RYR3: variants seen among roughly 807,000 people sequenced by gnomAD.
RYR3 encodes the protein brain ryanodine receptor-calcium release channel.
Under a neutral mutation model 584.3 loss-of-function variants are expected in RYR3, and 207 were observed. That is an observed-to-expected ratio of 0.35 (90% CI 0.32 to 0.40). The LOEUF is 0.40. Among genes scored for constraint, RYR3 ranks in the 10% least tolerant of loss-of-function variants. RYR3 has a pLI of 1.00. For missense variants in RYR3, 5,616 were observed against 6,089.2 expected, an observed-to-expected ratio of 0.92 and a Z score of 2.59; for synonymous variants, 2,416 against 2,248.5, an observed-to-expected ratio of 1.07 and a Z score of -2.11.
intron 1 of RYR3, among the ~76,000 whole-genome samples, chr15:33,411,826 G>A (rs1302429457): frequency 6.6e-6 from 1 of 152,094 alleles, no homozygotes; most frequent in Non-Finnish European, 1.5e-5. Flanking sequence ...CCACACTGAT[G>A]GCCATGCCTC....
Position 33,699,767 on chromosome 15 carries a change from C to T in RYR3, c.6313C>T (p.Arg2105Trp), listed in dbSNP as rs371004354. Residue 2105 changes from arginine to tryptophan, a missense_variant, in exon 41 of 104, where the codon CGG becomes TGG. Around this residue, in one of 9 missense-constraint regions of RYR3, gnomAD observed 1,280 missense variants for 1,426.2 expected, o/e 0.90. Transcript: ENST00000634891. ...CCTTTGCTATTTCTGTCGAATTAGC[C>T]GGCAAAATCAGAAGGCCATGTTTGA... ...RFLCYFCRISRQNQKAMFEHL... is the reference protein window; with the variant it reads ...RFLCYFCRISWQNQKAMFEHL... 9 of 1,613,726 alleles carry T rather than the reference C, an allele frequency of 5.6e-6. No individual in the cohort carries two copies. The highest frequency in any genetic ancestry group is 2.2e-5 in the East Asian group (1 of 44,860).
chr15:33,598,680 A>G (rs545373849), intron 16 of RYR3, among the ~76,000 whole-genome samples: 6 of 151,996 alleles, frequency 3.9e-5, no homozygotes, highest in Admixed American at 2.0e-4. Context: ...CTCAAACTCC[A>G]TAAAGGAGTT....
At chr15:33,653,671 A>AG (rs200461748) in intron 32 of RYR3, among the ~76,000 whole-genome samples, 2 of 52,096 alleles carry the variant, frequency 3.8e-5, no homozygotes, top group Non-Finnish European at 1.0e-4. Context: ...CTCCATCTCA[A>AG]AAAAAAAAAA....
intron 1 of RYR3, among the ~76,000 whole-genome samples, chr15:33,343,489 TCCCATCCC>T (rs1972073625): frequency 6.6e-6 from 1 of 152,140 alleles, no homozygotes; most frequent in African/African-American, 2.4e-5. Context: ...TTATGCCTCC[TCCCATCCC>T]CCGCAGTTTG....
chr15:33,632,693 G>A (rs1372215184), intron 23 of RYR3, among the ~76,000 whole-genome samples: 1 of 152,194 alleles, frequency 6.6e-6, no homozygotes, highest in African/African-American at 2.4e-5. Context: ...TAGAAATAAA[G>A]ATGGTTTGTA....
intron 1 of RYR3, among the ~76,000 whole-genome samples, chr15:33,396,229 C>G (rs2042288089): frequency 6.6e-6 from 1 of 152,258 alleles, no homozygotes; most frequent in South Asian, 2.1e-4. Context: ...GAGAGAGAGC[C>G]CTGCACAGGC....
At chr15:33,722,482 G>C (rs1398134539) in intron 43 of RYR3, 1 of 541,040 alleles carries the variant, frequency 1.8e-6, no homozygotes, top group African/African-American at 1.9e-5. Context: ...CTAATCTCAA[G>C]AGTAGATGAG....
Position 33,722,860 on chromosome 15 carries a change from G to T in RYR3, c.6765G>T (p.Ala2255=). Residue 2255 remains alanine, a synonymous_variant, in exon 44 of 104, where the codon GCG becomes GCT. Transcript: ENST00000634891. The part of the protein sequence containing the change: ...QGAIKISENP[A]LDLPSQGYKR... ...CCATTAAGATCTCTGAGAACCCAGC[G>T]CTCGACCTCCCCTCTCAAGGATACA... 2.5e-6 allele frequency: 4 copies of T among 1,596,638 alleles called. No individual in the cohort carries two copies. Among genetic ancestry groups the T allele is most frequent in the East Asian group, 2.2e-5 (1 of 44,636 alleles).
At chr15:33,567,013 A>G (rs1209411166) in intron 12 of RYR3, among the ~76,000 whole-genome samples, 2 of 152,220 alleles carry the variant, frequency 1.3e-5, no homozygotes, top group Non-Finnish European at 2.9e-5. Flanking sequence ...CCCAAGCCCC[A>G]TTAGTTACTC....
chr15:33,495,024 A>G lies in RYR3; in HGVS notation c.172-8607A>G, dbSNP rs1011609056. 3.9e-5 allele frequency among the ~76,000 whole-genome samples: 6 copies of G among 152,342 alleles called. No individual in the cohort carries two copies. The South Asian group carries it at 1.2e-3, about 32-fold the overall frequency. On this transcript the variant is annotated intron_variant, in intron 2 of 103. Transcript: ENST00000634891. ...TTGCGTTTTGGAAGAAAAAGCTTAT[A>G]TGGTGAGTCAGTCTCAGATTTTTAG...
chr15:33,822,983 G>T lies in RYR3; in HGVS notation c.10996-13G>T, dbSNP rs773022916. 1 of 1,609,790 alleles carries T rather than the reference G, an allele frequency of 6.2e-7. No homozygotes were observed. Among genetic ancestry groups the T allele is most frequent in the Non-Finnish European group, 8.5e-7 (1 of 1,177,442 alleles). On this transcript the variant is annotated splice_polypyrimidine_tract_variant and intron_variant, in intron 80 of 103. Transcript: ENST00000634891. ...TTCATCGCTTTTCCCCTTACAACGT[G>T]TCTCCCTTGCAGAAAATGCTAGATT...
intron 37 of RYR3, among the ~76,000 whole-genome samples, chr15:33,669,915 C>G (rs927492938): frequency 7.6e-6 from 1 of 130,796 alleles, no homozygotes; most frequent in Non-Finnish European, 1.6e-5. Flanking sequence ...TTAGTAACTT[C>G]TGCCCTTAAG....
chr15:33,761,389 T>C (rs1210912410), intron 60 of RYR3, among the ~76,000 whole-genome samples: 4 of 151,792 alleles, frequency 2.6e-5, no homozygotes, highest in Non-Finnish European at 5.9e-5. Context: ...AAGAATCAAA[T>C]AGACACAATA....
intron 5 of RYR3, among the ~76,000 whole-genome samples, chr15:33,536,506 A>G (rs146320714): frequency 1.3e-5 from 2 of 152,338 alleles, no homozygotes; most frequent in East Asian, 1.9e-4. Context: ...ACGGCTTTGG[A>G]CTGGCCCATC....
chr15:33,601,534 T>A lies in RYR3; in HGVS notation c.1904T>A (p.Leu635Gln), dbSNP rs370984175. The A allele has an allele frequency of 5.9e-5, 95 of 1,613,682 alleles. No homozygotes were observed. The highest frequency in any genetic ancestry group is 7.7e-5 in the Non-Finnish European group (91 of 1,179,806). ...AGAAACCTACTCCTGCAGACACGAC[T>A]GATTAACGATGTAACCAGGTAAGGC... Reference protein sequence around the residue: ...PRRNLLLQTRLINDVTSIRPN... With the variant: ...PRRNLLLQTRQINDVTSIRPN... Residue 635 changes from leucine to glutamine, a missense_variant, in exon 17 of 104, where the codon CTG becomes CAG. This residue lies in a region of RYR3 where 1,284 missense variants were observed against 1,344.6 expected (regional missense o/e 0.95). Transcript: ENST00000634891.
intron 5 of RYR3, among the ~76,000 whole-genome samples, chr15:33,533,734 G>C (rs1415537020): frequency 6.6e-6 from 1 of 152,122 alleles, no homozygotes; most frequent in East Asian, 1.9e-4. Context: ...CGTAATAAAG[G>C]CTTAAATAAT....
At chr15:33,597,001 C>T (rs892933823) in intron 16 of RYR3, among the ~76,000 whole-genome samples, 9 of 152,148 alleles carry the variant, frequency 5.9e-5, no homozygotes, top group Non-Finnish European at 1.3e-4. Context: ...AAACAAACCT[C>T]CTTATTGCCT....
At chr15:33,847,119 G>A (rs1415359342) in intron 93 of RYR3, 2 of 152,284 alleles carry the variant, frequency 1.3e-5, no homozygotes, top group East Asian at 1.9e-4. Context: ...TCCAAAACAC[G>A]GCAGGCATTA....
At chr15:33,608,212 C>G (rs1300778512) in intron 18 of RYR3, among the ~76,000 whole-genome samples, 1 of 152,202 alleles carries the variant, frequency 6.6e-6, no homozygotes, top group African/African-American at 2.4e-5. Context: ...CTAGTAAAAT[C>G]ATAGGTCCTG....
Sources: allele counts gnomAD v4.1 joint callset (sites outside exome capture counted in the v4.1 genomes callset), GRCh38; gene constraint gnomAD v4.1.1; regional missense constraint gnomAD v4.1.1; transcripts MANE v1.5; gene names NCBI Gene and HGNC (gene_info 2026-07-23, HGNC 2026-07-21).